SMURF1: variants seen among roughly 807,000 people sequenced by gnomAD.
SMURF1 encodes the protein E3 ubiquitin-protein ligase SMURF1.
Under a neutral mutation model 98.0 loss-of-function variants are expected in SMURF1, and 44 were observed. The observed-to-expected ratio is 0.45, with a 90% CI of 0.35 to 0.58. The LOEUF (loss-of-function observed/expected upper bound fraction) is 0.58, where lower values mean the gene tolerates loss of function less well. SMURF1 is among the 20% of genes least tolerant of loss of function. The pLI is 0.00. For synonymous variants in SMURF1, 396 were observed against 374.9 expected, an observed-to-expected ratio of 1.06 and a Z score of -0.65; for missense variants, 687 against 938.4, an observed-to-expected ratio of 0.73 and a Z score of 3.50.
At chr7:99,112,180 T>C (rs1563033727) in intron 1 of SMURF1, among the ~76,000 whole-genome samples, 1 of 152,078 alleles carries the variant, frequency 6.6e-6, no homozygotes. Context: ...AGAAAAGACC[T>C]AAGAGGGCCC....
At chr7:99,071,126 C>T (rs1357100232) in intron 1 of SMURF1, among the ~76,000 whole-genome samples, 1 of 150,230 alleles carries the variant, frequency 6.7e-6, no homozygotes, top group African/African-American at 2.5e-5. Flanking sequence ...GTGGCACGAT[C>T]TCAGCTCGTT....
At chr7:99,071,397 C>G (rs1366670218) in intron 1 of SMURF1, among the ~76,000 whole-genome samples, 1 of 152,132 alleles carries the variant, frequency 6.6e-6, no homozygotes. Context: ...GAACAAAGCT[C>G]TCATGAAGGA....
intron 1 of SMURF1, among the ~76,000 whole-genome samples, chr7:99,135,762 T>G (rs533408784): frequency 1.6e-4 from 25 of 152,338 alleles, no homozygotes; most frequent in African/African-American, 6.0e-4. Flanking sequence ...AAGTCCTACA[T>G]GCAGAATTGC....
chr7:99,047,509 TAAAATC>T, intron 10 of SMURF1, 169 bp downstream of exon 10: 1 of 656,792 alleles, frequency 1.5e-6, no homozygotes, highest in Non-Finnish European at 2.6e-6. Flanking sequence ...CCCTTAGTAA[TAAAATC>T]AATACCTCAA....
intron 5 of SMURF1, 107 bp from the exon 6 acceptor site, chr7:99,054,972 G>A (rs1046813338): frequency 1.3e-5 from 13 of 1,028,988 alleles, no homozygotes; most frequent in Non-Finnish European, 1.8e-5. Context: ...CATAAAAAAC[G>A]AGGCATATGT....
intron 1 of SMURF1, among the ~76,000 whole-genome samples, chr7:99,134,395 G>T (rs1168316514): frequency 6.6e-6 from 1 of 152,092 alleles, no homozygotes; most frequent in Non-Finnish European, 1.5e-5. Context: ...TGTACAGACG[G>T]GAGGTATTAG....
chr7:99,050,567 A>ATGAATAATAT, intron 8 of SMURF1: 1 of 192,866 alleles, frequency 5.2e-6, no homozygotes, highest in Admixed American at 5.5e-5. Flanking sequence ...CTGATTAATA[A>ATGAATAATAT]TTTCAACACA....
intron 12 of SMURF1, among the ~76,000 whole-genome samples, chr7:99,041,291 A>G (rs1795370640): frequency 6.6e-6 from 1 of 152,004 alleles, no homozygotes; most frequent in African/African-American, 2.4e-5. Flanking sequence ...GATCCCAGCT[A>G]CTCGGGAGGC....
intron 14 of SMURF1, among the ~76,000 whole-genome samples, chr7:99,038,051 G>T (rs1795219683): frequency 6.6e-6 from 1 of 152,150 alleles, no homozygotes; most frequent in South Asian, 2.1e-4. Flanking sequence ...AACTGAGAGG[G>T]TGGCTTCCTC....
chr7:99,122,702 T>C (rs1223099320), intron 1 of SMURF1, among the ~76,000 whole-genome samples: 8 of 147,296 alleles, frequency 5.4e-5, no homozygotes, highest in Admixed American at 4.7e-4. Flanking sequence ...GCTCACTCCA[T>C]AGCACTGACA....
At chr7:99,045,893 G>T (rs566290771) in intron 10 of SMURF1, 92 bp from the exon 11 acceptor site, 2 of 920,260 alleles carry the variant, frequency 2.2e-6, no homozygotes, top group Non-Finnish European at 3.5e-6. Flanking sequence ...TTAAGAACAC[G>T]CATCCATTCC....
Position 99,037,187 on chromosome 7 carries a change from C to T in SMURF1, c.1689G>A (p.Arg563=), listed in dbSNP as rs1279163726. ...TCATAAACCTCCAGTTTACATACAA[C>T]CTGGAAGAAAAACTCGCAAGTTGGA... The part of the protein sequence containing the change: ...VTEENKKEYV[R]LYVNWRFMRG... Residue 563 remains arginine (R), a splice_region_variant and synonymous_variant, in exon 15 of 18, where the codon CGG becomes CGA. Coordinates refer to ENST00000361368, the MANE Select transcript of SMURF1 (RefSeq NM_181349.3). The T allele has an allele frequency of 6.2e-7, 1 of 1,614,014 alleles. No individual in the cohort carries two copies. Among genetic ancestry groups the T allele is most frequent in the Non-Finnish European group, 8.5e-7 (1 of 1,180,002 alleles).
intron 9 of SMURF1, 167 bp from the exon 10 acceptor site, chr7:99,048,049 G>C: frequency 3.1e-6 from 2 of 645,150 alleles, no homozygotes; most frequent in Non-Finnish European, 5.4e-6. Context: ...TGTCAAACTT[G>C]CTGATGGCCA....
At chr7:99,069,302 G>A (rs1320185113) in intron 1 of SMURF1, among the ~76,000 whole-genome samples, 1 of 152,142 alleles carries the variant, frequency 6.6e-6, no homozygotes, top group Non-Finnish European at 1.5e-5. Flanking sequence ...CCATACAGGT[G>A]GCTTTGTTCC....
At position 99,027,779 on chromosome 7, in the gene SMURF1, T is replaced by C. The variant is rs966784546; in HGVS notation, c.*2805A>G. 1 of 152,462 alleles carries C rather than the reference T, an allele frequency of 6.6e-6. No homozygotes were observed. The highest frequency in any genetic ancestry group is 1.5e-5 in the Non-Finnish European group (1 of 68,036). The allele number at this position is 152,462 out of a possible 1,614,324, so 9.4% of individuals were successfully genotyped here. Reference sequence around the variant, plus strand: ...ATACTATGTTTCGGGAAGGCTGCCGTGTGGCACACACCTGGCTGCAGATGG... The same window carrying C: ...ATACTATGTTTCGGGAAGGCTGCCGCGTGGCACACACCTGGCTGCAGATGG... On this transcript the variant is annotated 3_prime_UTR_variant, in exon 18 of 18. Coordinates refer to ENST00000361368, the MANE Select transcript of SMURF1 (RefSeq NM_181349.3).
At chr7:99,046,184 G>C (rs529027907) in intron 10 of SMURF1, among the ~76,000 whole-genome samples, 3 of 152,240 alleles carry the variant, frequency 2.0e-5, no homozygotes, top group African/African-American at 7.2e-5. Context: ...AAGTCTGAAT[G>C]CTAAGAGAGT....
At chr7:99,076,344 A>C (rs1489846672) in intron 1 of SMURF1, among the ~76,000 whole-genome samples, 2 of 152,286 alleles carry the variant, frequency 1.3e-5, no homozygotes, top group Admixed American at 1.3e-4. Context: ...CAACATCAAC[A>C]GTGACAAGTC....
chr7:99,061,703 C>T, intron 2 of SMURF1, 96 bp downstream of exon 2: 1 of 952,564 alleles, frequency 1.0e-6, no homozygotes. Flanking sequence ...AAGGGCAAAA[C>T]TTTGAAGAGA....
intron 1 of SMURF1, among the ~76,000 whole-genome samples, chr7:99,092,330 C>G (rs548208847): frequency 6.6e-6 from 1 of 152,244 alleles, no homozygotes; most frequent in South Asian, 2.1e-4. Flanking sequence ...TCTAGTCTTT[C>G]GAGTATGGCT....
Sources: allele counts gnomAD v4.1 joint callset (sites outside exome capture counted in the v4.1 genomes callset), GRCh38; gene constraint gnomAD v4.1.1; transcripts MANE v1.5; gene names NCBI Gene and HGNC (gene_info 2026-07-23, HGNC 2026-07-21).